Variants in ZNF641 observed in about 807,000 individuals in gnomAD.
ZNF641 encodes zinc finger protein 641.
A neutral mutation model predicts 46.2 loss-of-function variants in ZNF641; 26 were observed. That is an observed-to-expected ratio of 0.56 (90% confidence interval 0.41 to 0.78). The LOEUF (loss-of-function observed/expected upper bound fraction) is 0.78. ZNF641 is among the 30% of genes least tolerant of loss of function. The pLI is 0.00. For missense variants in ZNF641, 469 were observed against 517.8 expected, an observed-to-expected ratio of 0.91 and a Z score of 0.91; for synonymous variants, 163 against 187.9, an observed-to-expected ratio of 0.87 and a Z score of 1.09.
intron 1 of ZNF641, chr12:48,349,971 G>C (rs1005730538): frequency 4.3e-5 from 69 of 1,588,772 alleles, no homozygotes; most frequent in Non-Finnish European, 5.9e-5. Flanking sequence ...TGGGCCAGCT[G>C]TAAGTTTTTC....
At chr12:48,349,986 C>A (rs1952982375) in intron 1 of ZNF641, 7 of 1,607,266 alleles carry the variant, frequency 4.4e-6, no homozygotes, top group Admixed American at 3.3e-5. Flanking sequence ...TTTTTCTATA[C>A]CACTGACAGA....
chr12:48,344,014 T>G (rs999696301), intron 5 of ZNF641, among the ~76,000 whole-genome samples: 1 of 152,266 alleles, frequency 6.6e-6, no homozygotes, highest in Non-Finnish European at 1.5e-5. Context: ...CTCCGGCAGT[T>G]ATAAGATAGA....
chr12:48,335,037 C>T (rs11833210), downstream of ZNF641, among the ~76,000 whole-genome samples: 1 of 152,200 alleles, frequency 6.6e-6, no homozygotes, highest in Admixed American at 6.5e-5. Context: ...GCGCCTCCCC[C>T]CCACCATGGG....
Position 48,343,042 on chromosome 12 carries a change from G to C in ZNF641, c.1206C>G (p.Asp402Glu), listed in dbSNP as rs2136175226. Residue 402 changes from aspartate to glutamate, a missense_variant, in exon 6 of 6, where the codon GAC becomes GAG. Around this residue, in one of 3 missense-constraint regions of ZNF641, gnomAD observed 346 missense variants for 354.0 expected, o/e 0.98. Transcript: ENST00000547026. The stretch of plus-strand genomic sequence containing the variant: ...GTCCCTGGTGGGTGAGCAGGTGCCT[G>C]TCCAGGTGATGTTTTCGGCCAAAGC... ...EKSFGRKHHLDRHLLTHQGQS... is the reference protein window; with the variant it reads ...EKSFGRKHHLERHLLTHQGQS... The C allele has an allele frequency of 1.9e-6, 3 of 1,614,246 alleles. No homozygotes were observed. The highest frequency in any genetic ancestry group is 2.5e-6 in the Non-Finnish European group (3 of 1,180,048).
intron 3 of ZNF641, among the ~76,000 whole-genome samples, chr12:48,345,943 G>A (rs1405526308): frequency 2.0e-5 from 3 of 146,448 alleles, no homozygotes; most frequent in African/African-American, 5.1e-5. Context: ...TCTCACTGTC[G>A]CCCAGGCTGG....
In ZNF641 at chr12:48,338,440, T is replaced by C. The variant is rs1297237986; in HGVS notation, c.*4533A>G. 6.6e-6 allele frequency: 1 copy of C among 152,244 alleles called. No individual in the cohort carries two copies. The highest frequency in any genetic ancestry group is 1.5e-5 in the Non-Finnish European group (1 of 68,086). 9.4% of individuals were successfully genotyped at this position (152,244 alleles called of 1,614,324 possible). A position where few individuals can be genotyped will look rare whatever the true frequency, so the allele number is the denominator to read the frequency against. On this transcript the variant is annotated 3_prime_UTR_variant, in exon 6 of 6. Coordinates refer to ENST00000547026, the MANE Select transcript of ZNF641 (RefSeq NM_001172681.2). ...GCATGAGGCCTGGAGTTGAAGAAAGTCTCAGCCTTGGGGTCTAATCTTTTG... is the reference window on the plus strand; with the variant it reads ...GCATGAGGCCTGGAGTTGAAGAAAGCCTCAGCCTTGGGGTCTAATCTTTTG...
Position 48,343,053 on chromosome 12 carries a change from GT to G in ZNF641, c.1194del (p.Lys398AsnfsTer64), listed in dbSNP as rs1447428546. ...CPRCEKSFGR[K>X]HHLDRHLLTH... ...GTGAGCAGGTGCCTGTCCAGGTGAT[GT>G]TTTCGGCCAAAGCTCTTCTCACAGC... On this transcript the variant is annotated frameshift_variant, in exon 6 of 6. Coordinates refer to ENST00000547026, the MANE Select transcript of ZNF641 (RefSeq NM_001172681.2). LOFTEE classifies it high-confidence loss of function. 6.2e-7 allele frequency: 1 copy of G among 1,614,274 alleles called. No individual in the cohort carries two copies. The highest frequency in any genetic ancestry group is 8.5e-7 in the Non-Finnish European group (1 of 1,180,046).
intron 1 of ZNF641, chr12:48,350,098 G>C: frequency 6.2e-7 from 1 of 1,614,072 alleles, no homozygotes; most frequent in Non-Finnish European, 8.5e-7. Context: ...GCACCTGGGC[G>C]GTTAAGGTGG....
chr12:48,348,530 T>C (rs1234429131), intron 1 of ZNF641, among the ~76,000 whole-genome samples: 2 of 151,598 alleles, frequency 1.3e-5, no homozygotes, highest in African/African-American at 2.4e-5. Context: ...ACAAGATGGA[T>C]GTAATCACAC....
chr12:48,336,593 G>A (rs1258477945), downstream of ZNF641, among the ~76,000 whole-genome samples: 1 of 152,112 alleles, frequency 6.6e-6, no homozygotes, highest in Non-Finnish European at 1.5e-5. Flanking sequence ...CTGAGTTAAT[G>A]GACAGTGGCT....
In ZNF641 at chr12:48,338,951, G is replaced by A. The variant is rs1481300368; in HGVS notation, c.*4022C>T. The A allele has an allele frequency of 6.6e-6, 1 of 152,198 alleles. No homozygotes were observed. Among genetic ancestry groups the A allele is most frequent in the East Asian group, 1.9e-4 (1 of 5,198 alleles). 9.4% of individuals were successfully genotyped at this position (152,198 alleles called of 1,614,324 possible). ...TTAGAAGAGCCAGTGAAAAGGACAAGGCAAAGGAGAATCATTTCCTCGGAT... is the reference window on the plus strand; with the variant it reads ...TTAGAAGAGCCAGTGAAAAGGACAAAGCAAAGGAGAATCATTTCCTCGGAT... On this transcript the variant is annotated 3_prime_UTR_variant, in exon 6 of 6. Coordinates refer to ENST00000547026, the MANE Select transcript of ZNF641 (RefSeq NM_001172681.2).
At chr12:48,349,936 G>A in intron 1 of ZNF641, 1 of 1,320,292 alleles carries the variant, frequency 7.6e-7, no homozygotes, top group Non-Finnish European at 1.1e-6. Flanking sequence ...TCTCTTAATG[G>A]GAAGCCTCTT....
Position 48,338,311 on chromosome 12 carries a change from A to T in ZNF641, c.*4662T>A, listed in dbSNP as rs1163436004. The T allele has an allele frequency of 1.3e-5, 2 of 152,248 alleles. No individual in the cohort carries two copies. The highest frequency in any genetic ancestry group is 2.9e-5 in the Non-Finnish European group (2 of 68,052). 9.4% of individuals were successfully genotyped at this position (152,248 alleles called of 1,614,324 possible). A position where few individuals can be genotyped will look rare whatever the true frequency, so the allele number is the denominator to read the frequency against. ...GTTATTGCTCAGTCAGAACAAAGCA[A>T]AACTCAAACAAACAAAAAAATCTGA... On this transcript the variant is annotated 3_prime_UTR_variant, in exon 6 of 6. Coordinates refer to ENST00000547026, the MANE Select transcript of ZNF641 (RefSeq NM_001172681.2).
intron 2 of ZNF641, among the ~76,000 whole-genome samples, chr12:48,347,702 A>C (rs927377674): frequency 3.9e-5 from 6 of 152,222 alleles, no homozygotes; most frequent in Non-Finnish European, 7.3e-5. Context: ...AGTAATTATG[A>C]AGAAACAAGA....
downstream of ZNF641, among the ~76,000 whole-genome samples, chr12:48,335,416 G>T (rs1952597150): frequency 6.6e-6 from 1 of 152,012 alleles, no homozygotes; most frequent in African/African-American, 2.4e-5. Flanking sequence ...GGAACAATTT[G>T]TTTTCTAGAT....
At chr12:48,347,079 T>G in intron 3 of ZNF641, 173 bp downstream of exon 3, 9 of 1,204,980 alleles carry the variant, frequency 7.5e-6, no homozygotes, top group Non-Finnish European at 1.0e-5. Flanking sequence ...TGTAGGTCCA[T>G]TTAATTTTCC....
Position 48,340,057 on chromosome 12 carries a change from G to A in ZNF641, c.*2916C>T. The A allele has an allele frequency of 1.0e-6, 1 of 985,412 alleles. No individual in the cohort carries two copies. Among genetic ancestry groups the A allele is most frequent in the Non-Finnish European group, 1.2e-6 (1 of 829,934 alleles). The allele number at this position is 985,412 out of a possible 1,614,324, so 61.0% of individuals were successfully genotyped here. A position where few individuals can be genotyped will look rare whatever the true frequency, so the allele number is the denominator to read the frequency against. On this transcript the variant is annotated 3_prime_UTR_variant, in exon 6 of 6. Coordinates refer to ENST00000547026, the MANE Select transcript of ZNF641 (RefSeq NM_001172681.2). ...ACAGAGATTCTTTTTATTTAAAGGG[G>A]ACGGGGTGAAACATGAACATTTGAG...
rs1331170426 is a variant in ZNF641, at chr12:48,343,704, C to A, written c.544G>T (p.Asp182Tyr). 4 of 1,502,854 alleles carry A rather than the reference C, an allele frequency of 2.7e-6. No individual in the cohort carries two copies. In the African/African-American group the frequency reaches 5.6e-5, roughly 21 times the overall value. The allele number at this position is 1,502,854 out of a possible 1,614,324, so 93.1% of individuals were successfully genotyped here. Reference protein sequence around the residue: ...YTGDGSEHEGDTPELEAEPPR... With the variant: ...YTGDGSEHEGYTPELEAEPPR... Reference sequence around the variant, plus strand: ...GGTTCTGCTTCTAGTTCAGGGGTATCCCCCTCATGTTCACTTCCATCTCCT... The same window carrying A: ...GGTTCTGCTTCTAGTTCAGGGGTATACCCCTCATGTTCACTTCCATCTCCT... The change falls in exon 6 of 6, where the codon GAT (aspartate) becomes TAT (tyrosine). Residue 182 changes from aspartate (D) to tyrosine (Y), a missense_variant. Asp to Tyr is a radical substitution (Grantham distance 160, BLOSUM62 -3). Transcript: ENST00000547026.
rs1376726181 is a variant in ZNF641 at position 48,339,377 on chromosome 12, ACGT to A, written c.*3593_*3595del. 1 of 152,162 alleles carries A rather than the reference ACGT, an allele frequency of 6.6e-6. No individual in the cohort carries two copies. The highest frequency in any genetic ancestry group is 2.4e-5 in the African/African-American group (1 of 41,436). 9.4% of individuals were successfully genotyped at this position (152,162 alleles called of 1,614,324 possible). A position where few individuals can be genotyped will look rare whatever the true frequency, so the allele number is the denominator to read the frequency against. On this transcript the variant is annotated 3_prime_UTR_variant, in exon 6 of 6. Transcript: ENST00000547026. ...GGAGGGCATTTAGTTAAAAGACTGA[ACGT>A]TGAGCTCCTTCCCGAGTTTCTGATT... is the stretch of plus-strand genomic sequence containing the variant.
Sources: gnomAD v4.1 joint callset for allele counts (sites outside exome capture counted in the v4.1 genomes callset) on GRCh38, gnomAD v4.1.1 for gene constraint, gnomAD v4.1.1 regional missense constraint, MANE v1.5 for transcripts, NCBI Gene and HGNC (gene_info 2026-07-23, HGNC 2026-07-21) for gene names.